LNX1: variants seen among roughly 807,000 people sequenced by gnomAD.
LNX1 encodes the protein E3 ubiquitin-protein ligase LNX.
Under a neutral mutation model 68.4 loss-of-function variants are expected in LNX1, and 54 were observed. The observed-to-expected ratio is 0.79, with a 90% CI of 0.63 to 0.99. The LOEUF (loss-of-function observed/expected upper bound fraction) is 0.99. Ranked by LOEUF, LNX1 falls within the 50% of genes least tolerant of loss-of-function variation. The pLI is 0.00. For missense variants in LNX1, 906 were observed against 926.4 expected (o/e 0.98, Z 0.29); for synonymous variants, 336 against 350.0 (o/e 0.96, Z 0.45).
At chr4:53,464,751 A>G (rs1487317825) in intron 9 of LNX1, among the ~76,000 whole-genome samples, 1 of 148,248 alleles carries the variant, frequency 6.7e-6, no homozygotes. Flanking sequence ...CTCACGTAGA[A>G]ATGTTCAGGA....
Position 53,481,842 on chromosome 4 carries a change from GTCTT to G in LNX1, c.1359_1362del (p.Glu453AspfsTer55). ...TGGCGGGACACGACGAGGTGAACAC[GTCTT>G]TCACTGGCCTGGGCAAGAAGACACA... On this transcript the variant is annotated frameshift_variant, in exon 7 of 11. Coordinates refer to ENST00000263925, the MANE Select transcript of LNX1 (RefSeq NM_001126328.3). LOFTEE classifies it high-confidence loss of function. 3.7e-6 allele frequency: 6 copies of G among 1,604,138 alleles called. No homozygotes were observed. The highest frequency in any genetic ancestry group is 5.1e-6 in the Non-Finnish European group (6 of 1,174,010).
intron 2 of LNX1, among the ~76,000 whole-genome samples, chr4:53,537,218 G>C (rs955175177): frequency 6.6e-6 from 1 of 152,214 alleles, no homozygotes; most frequent in Admixed American, 6.5e-5. Context: ...AACATCTGAC[G>C]CTTCTCATGG....
At chr4:53,526,272 G>A (rs974357193) in intron 2 of LNX1, among the ~76,000 whole-genome samples, 17 of 152,106 alleles carry the variant, frequency 1.1e-4, no homozygotes, top group Admixed American at 2.0e-4. Context: ...TCAATTTGAG[G>A]AGCTTATGAA....
chr4:53,586,135 A>AG (rs912683730), intron 1 of LNX1, among the ~76,000 whole-genome samples: 34 of 152,194 alleles, frequency 2.2e-4, no homozygotes, highest in South Asian at 8.3e-4. Flanking sequence ...AAGGGCCTCA[A>AG]GGGAAAAAAA....
intron 2 of LNX1, chr4:53,557,768 AT>A: frequency 7.9e-7 from 1 of 1,266,074 alleles, no homozygotes; most frequent in Non-Finnish European, 1.1e-6. Flanking sequence ...TGCATCTAGT[AT>A]GTGTGGAATT....
At chr4:53,507,292 C>T (rs1165793642) in intron 4 of LNX1, 25 bp downstream of exon 4, 1 of 1,607,842 alleles carries the variant, frequency 6.2e-7, no homozygotes, top group Admixed American at 1.7e-5. Context: ...CCATGTCCAT[C>T]CAGCCTTATG....
chr4:53,472,545 G>A (rs947955235), intron 9 of LNX1, among the ~76,000 whole-genome samples: 4 of 151,510 alleles, frequency 2.6e-5, no homozygotes, highest in African/African-American at 7.3e-5. Flanking sequence ...ACAAAAAAGT[G>A]GGAAGTGAAA....
intron 1 of LNX1, chr4:53,575,416 A>G: frequency 1.3e-6 from 1 of 746,368 alleles, no homozygotes; most frequent in Non-Finnish European, 1.6e-6. Flanking sequence ...AAAGTCAATA[A>G]ATAGTTTTCA....
At chr4:53,580,208 C>T (rs1283210905) in intron 1 of LNX1, among the ~76,000 whole-genome samples, 2 of 152,168 alleles carry the variant, frequency 1.3e-5, no homozygotes, top group Non-Finnish European at 2.9e-5. Flanking sequence ...TATACCTCAC[C>T]TGCCCTTTCC....
chr4:53,627,617 T>C (rs1734127132), intron 1 of LNX1, among the ~76,000 whole-genome samples: 1 of 152,122 alleles, frequency 6.6e-6, no homozygotes, highest in Non-Finnish European at 1.5e-5. Context: ...ATTAGAAAAA[T>C]AATTTTTAAA....
Position 53,461,452 on chromosome 4 carries a change from G to A in LNX1, c.2034C>T (p.Tyr678=). The A allele has an allele frequency of 6.2e-7, 1 of 1,608,644 alleles. No individual in the cohort carries two copies. The highest frequency in any genetic ancestry group is 8.5e-7 in the Non-Finnish European group (1 of 1,176,930). ...ATTATTACCTAATTCTTCCATCATT[G>A]TATGCTGGTGTTCCTTCAACAATGG... ...IKSIVEGTPA[Y]NDGRIRCGDI... is the part of the protein sequence containing the mutation. Residue 678 remains tyrosine, a synonymous_variant, in exon 10 of 11, where the codon TAC becomes TAT. Coordinates refer to ENST00000263925, the MANE Select transcript of LNX1 (RefSeq NM_001126328.3).
chr4:53,641,051 C>T (rs570366311), intron 1 of LNX1, among the ~76,000 whole-genome samples: 25 of 152,258 alleles, frequency 1.6e-4, no homozygotes, highest in Non-Finnish European at 2.4e-4. Context: ...GCCTTGGAGG[C>T]GACTCGGCAC....
chr4:53,622,442 G>A (rs1733918411), upstream of LNX1, among the ~76,000 whole-genome samples: 1 of 152,134 alleles, frequency 6.6e-6, no homozygotes, highest in Admixed American at 6.6e-5. Context: ...CAGCACACAT[G>A]AAGTGTGTCA....
chr4:53,588,146 C>A (rs1732291460), intron 1 of LNX1, among the ~76,000 whole-genome samples: 1 of 152,170 alleles, frequency 6.6e-6, no homozygotes, highest in Admixed American at 6.5e-5. Context: ...GTAATTATTT[C>A]AATTATTCCT....
chr4:53,598,320 C>T (rs1732848064), intron 2 of LNX1, among the ~76,000 whole-genome samples: 1 of 151,676 alleles, frequency 6.6e-6, no homozygotes. Context: ...GTAGCCTTGA[C>T]CTCCTTATGA....
At chr4:53,549,113 T>A (rs1305138289) in intron 2 of LNX1, among the ~76,000 whole-genome samples, 1 of 152,108 alleles carries the variant, frequency 6.6e-6, no homozygotes, top group Non-Finnish European at 1.5e-5. Flanking sequence ...CAAACCCCCA[T>A]GACATGTATT....
At chr4:53,646,982 C>T (rs970058322) in intron 1 of LNX1, among the ~76,000 whole-genome samples, 19 of 152,306 alleles carry the variant, frequency 1.2e-4, no homozygotes, top group Non-Finnish European at 2.5e-4. Flanking sequence ...GGAAGTGTCC[C>T]GGCAGCCAGA....
chr4:53,465,178 G>T (rs1457599866), intron 9 of LNX1, among the ~76,000 whole-genome samples: 1 of 152,032 alleles, frequency 6.6e-6, no homozygotes, highest in East Asian at 1.9e-4. Context: ...ATATAATTTG[G>T]CAAATAAACA....
Position 53,507,329 on chromosome 4 carries a change from T to C in LNX1, c.763A>G (p.Thr255Ala). 1 of 1,614,050 alleles carries C rather than the reference T, an allele frequency of 6.2e-7. No individual in the cohort carries two copies. Among genetic ancestry groups the C allele is most frequent in the East Asian group, 2.2e-5 (1 of 44,866 alleles). Reference sequence around the variant, plus strand: ...GGAGTTCATTTACCTTCAGGGGCAGTGGTGTTTTCAGAATTTTCCCTGCCC... The same window carrying C: ...GGAGTTCATTTACCTTCAGGGGCAGCGGTGTTTTCAGAATTTTCCCTGCCC... Reference protein sequence around the residue: ...DQGRENSENTTAPEVFPRLYH... With the variant: ...DQGRENSENTAAPEVFPRLYH... The change falls in exon 4 of 11, where the codon ACT becomes GCT. Residue 255 changes from threonine (T) to alanine (A), a missense_variant. Thr to Ala is a moderately conservative substitution (Grantham distance 58, BLOSUM62 0). Coordinates refer to ENST00000263925, the MANE Select transcript of LNX1 (RefSeq NM_001126328.3).
Sources: gnomAD v4.1 joint callset for allele counts (sites outside exome capture counted in the v4.1 genomes callset) on GRCh38, gnomAD v4.1.1 for gene constraint, MANE v1.5 for transcripts, NCBI Gene and HGNC (gene_info 2026-07-23, HGNC 2026-07-21) for gene names.